Variants in MYH14 observed in about 807,000 individuals in gnomAD.
MYH14 encodes the protein myosin-14.
Under a neutral mutation model 255.5 loss-of-function variants are expected in MYH14, and 123 were observed. That is an observed-to-expected ratio of 0.48 (90% CI 0.42 to 0.56). The LOEUF (loss-of-function observed/expected upper bound fraction) is 0.56, where lower values mean the gene tolerates loss of function less well. MYH14 is among the 20% of genes least tolerant of loss of function. The pLI, the probability that MYH14 is intolerant of heterozygous loss-of-function variation, is 0.00. For synonymous variants in MYH14, 1,095 were observed against 1,161.2 expected (o/e 0.94, Z 1.16); for missense variants, 2,423 against 2,802.3 (o/e 0.86, Z 3.06).
At chr19:50,234,263 G>GT (rs1362564524) in intron 10 of MYH14, among the ~76,000 whole-genome samples, 1 of 152,110 alleles carries the variant, frequency 6.6e-6, no homozygotes, top group Non-Finnish European at 1.5e-5. Context: ...GATTCAACCC[G>GT]TAACAAGTAC....
chr19:50,277,946 G>A (rs901152776), intron 29 of MYH14, 137 bp from the exon 30 acceptor site: 28 of 567,884 alleles, frequency 4.9e-5, no homozygotes, highest in African/African-American at 4.6e-4. Flanking sequence ...GGGAGTGAGG[G>A]GTGAGCTATT....
intron 19 of MYH14, 30 bp from the exon 20 acceptor site, chr19:50,260,616 C>G (rs1248719524): frequency 1.8e-5 from 29 of 1,571,938 alleles, no homozygotes; most frequent in Non-Finnish European, 2.4e-5. Flanking sequence ...CTGTAACTCT[C>G]TCCTCCCCAC....
intron 10 of MYH14, among the ~76,000 whole-genome samples, chr19:50,235,616 C>A (rs1157785269): frequency 6.7e-6 from 1 of 148,580 alleles, no homozygotes; most frequent in Non-Finnish European, 1.5e-5. Flanking sequence ...CCTGTCTCTA[C>A]TAAAAATTAA....
chr19:50,275,270 C>T (rs2035461950), intron 27 of MYH14, among the ~76,000 whole-genome samples: 1 of 152,166 alleles, frequency 6.6e-6, no homozygotes, highest in Non-Finnish European at 1.5e-5. Context: ...TCCAGCTTCT[C>T]TTTGCAATGA....
In MYH14 at chr19:50,309,634, C is replaced by T. The variant is rs965177876; in HGVS notation, c.5961-6C>T. 8 of 1,608,676 alleles carry T rather than the reference C, an allele frequency of 5.0e-6. No homozygotes were observed. In the African/African-American group the frequency reaches 9.4e-5, roughly 19 times the overall value. On this transcript the variant is annotated splice_region_variant and splice_polypyrimidine_tract_variant and intron_variant, in intron 42 of 42. Coordinates refer to ENST00000642316, the MANE Select transcript of MYH14 (RefSeq NM_001145809.2). ...ATCTCTGTATCCTGGTCTCTCCTCC[C>T]CACAGACGCGGCCCCCTCACCTTCA...
intron 29 of MYH14, among the ~76,000 whole-genome samples, chr19:50,277,626 C>G (rs1034211733): frequency 4.0e-5 from 6 of 151,578 alleles, no homozygotes; most frequent in Non-Finnish European, 7.4e-5. Flanking sequence ...AACAAACAAA[C>G]AAAAATGGGC....
In MYH14 at chr19:50,293,109, G is replaced by C. The variant is rs149628337; in HGVS notation, c.5257-124G>C. On this transcript the variant is annotated intron_variant, in intron 37 of 42. Coordinates refer to ENST00000642316, the MANE Select transcript of MYH14 (RefSeq NM_001145809.2). The surrounding 1 kb of genome is among the most constrained non-coding windows in gnomAD (Gnocchi z 4.1). Reference sequence around the variant, plus strand: ...TCTGTAGGTTGCAGCTCATTCCAGGGTTACCCAGGGACAGCATGAGAAAAA... The same window carrying C: ...TCTGTAGGTTGCAGCTCATTCCAGGCTTACCCAGGGACAGCATGAGAAAAA... 1.5e-4 allele frequency: 111 copies of C among 724,688 alleles called. 2 individuals carry two copies. In the East Asian group the frequency reaches 2.9e-3, roughly 19 times the overall value. The allele number at this position is 724,688 out of a possible 1,614,324, so 44.9% of individuals were successfully genotyped here.
chr19:50,237,932 G>C (rs2033732151), intron 10 of MYH14, among the ~76,000 whole-genome samples: 2 of 64,158 alleles, frequency 3.1e-5, no homozygotes, highest in African/African-American at 1.5e-4. Context: ...AGAGGAGGAG[G>C]CAAAGCCATG....
chr19:50,232,577 G>C (rs923334622), intron 10 of MYH14, among the ~76,000 whole-genome samples: 81 of 121,266 alleles, frequency 6.7e-4, no homozygotes, highest in African/African-American at 2.4e-3. Context: ...CTGGTCAACA[G>C]AGCGAGACTC....
In MYH14 at chr19:50,276,796, T is replaced by C. The variant is rs765518208; in HGVS notation, c.3720T>C (p.Thr1240=). Residue 1240 remains threonine, a synonymous_variant, in exon 29 of 43, where the codon ACT becomes ACC. Transcript: ENST00000642316. This position sits in a 1 kb window ranked among gnomAD's most constrained non-coding sequence, Gnocchi z 4.3. The part of the protein sequence containing the change: ...REQEVTELKK[T]LEEETRIHEA... ...AGGAGGTGACGGAGCTGAAGAAGAC[T>C]CTGGAGGAGGAGACTCGCATCCACG... The C allele has an allele frequency of 2.5e-6, 4 of 1,613,094 alleles. No homozygotes were observed. The highest frequency in any genetic ancestry group is 1.1e-5 in the South Asian group (1 of 91,046).
chr19:50,275,002 C>T (rs1251201532), intron 27 of MYH14, among the ~76,000 whole-genome samples: 1 of 151,638 alleles, frequency 6.6e-6, no homozygotes, highest in Non-Finnish European at 1.5e-5. Flanking sequence ...GCCTCTGATC[C>T]ACTTTCTGTC....
intron 2 of MYH14, among the ~76,000 whole-genome samples, chr19:50,214,462 C>A (rs1278161823): frequency 6.6e-6 from 1 of 152,108 alleles, no homozygotes; most frequent in Non-Finnish European, 1.5e-5. Context: ...CAGTCCCTTT[C>A]CTGGGACCCT....
intron 10 of MYH14, among the ~76,000 whole-genome samples, chr19:50,243,906 T>C (rs140248224): frequency 8.3e-4 from 127 of 152,188 alleles, no homozygotes; most frequent in African/African-American, 3.0e-3. Flanking sequence ...AAGCCTCAGA[T>C]ATAATAAACT....
At position 50,278,284 on chromosome 19, in the gene MYH14, G is replaced by A. The variant is rs777836010; in HGVS notation, c.4027G>A (p.Ala1343Thr). ...RAEAAEKLQR[A>T]QAELENVSGA... ...GGAGGCTGCTGAGAAGCTGCAGCGAGCCCAGGTAAGTGGGGTGGGCAGGGC... is the reference window on the plus strand; with the variant it reads ...GGAGGCTGCTGAGAAGCTGCAGCGAACCCAGGTAAGTGGGGTGGGCAGGGC... The change falls in exon 30 of 43, where the codon GCC becomes ACC. Residue 1343 changes from alanine to threonine, a missense_variant. Physicochemically the swap from Ala to Thr is moderately conservative, Grantham distance 58. This residue lies in a region of MYH14 where 1,513 missense variants were observed against 1,674.8 expected (regional missense o/e 0.90). Transcript: ENST00000642316. The A allele has an allele frequency of 6.5e-7, 1 of 1,546,686 alleles. No individual in the cohort carries two copies. Among genetic ancestry groups the A allele is most frequent in the Non-Finnish European group, 8.7e-7 (1 of 1,143,774 alleles).
intron 12 of MYH14, among the ~76,000 whole-genome samples, chr19:50,248,293 A>G (rs971695897): frequency 1.3e-5 from 2 of 152,150 alleles, no homozygotes; most frequent in African/African-American, 4.8e-5. Flanking sequence ...TTTCATAGAA[A>G]GATCCCCTTG....
intron 10 of MYH14, among the ~76,000 whole-genome samples, chr19:50,240,367 C>T (rs544962121): frequency 2.0e-5 from 3 of 152,100 alleles, no homozygotes; most frequent in South Asian, 2.1e-4. Context: ...TCGCTTGAGC[C>T]GGGGAATTTG....
chr19:50,243,225 C>T lies in MYH14; in HGVS notation c.1115-1017C>T, dbSNP rs145002258. Among the ~76,000 whole-genome samples, 76 of 152,236 alleles carry T rather than the reference C, an allele frequency of 5.0e-4. 2 individuals carry two copies. In the East Asian group the frequency reaches 0.014, roughly 28 times the overall value. On this transcript the variant is annotated intron_variant, in intron 10 of 42. Coordinates refer to ENST00000642316, the MANE Select transcript of MYH14 (RefSeq NM_001145809.2). ...CCGAGGCGGGTGGATCATCTGAGGT[C>T]AGGAATTCAAGACCAGCCTGGCCAA...
rs201986144 is a variant in MYH14, at chr19:50,309,669, C to A, written c.5990C>A (p.Thr1997Lys). ...GGCCCCCTCACCTTCACCACCCGCA[C>A]GGTGCGCCAGGTCTTCCGACTAGAG... ...RRGPLTFTTR[T>K]VRQVFRLEEG... is the part of the protein sequence containing the mutation. Residue 1997 changes from threonine to lysine, a missense_variant, in exon 43 of 43, where the codon ACG (threonine) becomes AAG (lysine). Around this residue, in one of 3 missense-constraint regions of MYH14, gnomAD observed 1,513 missense variants for 1,674.8 expected, o/e 0.90. Coordinates refer to ENST00000642316, the MANE Select transcript of MYH14 (RefSeq NM_001145809.2). 11 of 1,610,932 alleles carry A rather than the reference C, an allele frequency of 6.8e-6. No homozygotes were observed. In the Middle Eastern group the frequency reaches 1.3e-3, roughly 193 times the overall value.
chr19:50,216,419 G>A (rs575495064), intron 2 of MYH14, among the ~76,000 whole-genome samples: 14 of 152,236 alleles, frequency 9.2e-5, no homozygotes, highest in African/African-American at 2.2e-4. Flanking sequence ...CCTGGGCAAC[G>A]TAGTGAGACC....
Sources: gnomAD v4.1 joint callset for allele counts (sites outside exome capture counted in the v4.1 genomes callset) on GRCh38, gnomAD v4.1.1 for gene constraint, gnomAD v4.1.1 regional missense constraint, Gnocchi (gnomAD v3.1) non-coding constraint, MANE v1.5 for transcripts, NCBI Gene and HGNC (gene_info 2026-07-23, HGNC 2026-07-21) for gene names.